ARL15: variants seen among roughly 807,000 people sequenced by gnomAD.
ARL15 encodes the protein ADP-ribosylation factor-like protein 15.
Under a neutral mutation model 25.2 loss-of-function variants are expected in ARL15, and 19 were observed. The ratio of observed to expected loss-of-function variants is 0.75; its 90% CI spans 0.53 to 1.10. The LOEUF (loss-of-function observed/expected upper bound fraction) is 1.10, where lower values mean the gene tolerates loss of function less well. Among genes scored for constraint, ARL15 ranks in the 50% least tolerant of loss-of-function variants. ARL15 has a pLI of 0.00. For missense variants in ARL15, 220 were observed against 246.0 expected (o/e 0.89, Z 0.71); for synonymous variants, 94 against 86.8 (o/e 1.08, Z -0.46).
chr5:54,113,056 C>T lies in ARL15; in HGVS notation c.462+146G>A, dbSNP rs1752787245. The T allele has an allele frequency of 3.9e-6, 3 of 767,402 alleles. 1 individual carries two copies. Among genetic ancestry groups the T allele is most frequent in the South Asian group, 3.7e-5 (2 of 54,074 alleles). 47.5% of individuals were successfully genotyped at this position (767,402 alleles called of 1,614,324 possible). On this transcript the variant is annotated intron_variant, in intron 4 of 4. Coordinates refer to ENST00000504924, the MANE Select transcript of ARL15 (RefSeq NM_019087.3). ...ACAAGTGCTAACAGATTGATATAGG[C>T]TTTCTGCTTCCTATGAAAACTAAGG...
At position 54,203,365 on chromosome 5, in the gene ARL15, G is replaced by A. The variant is rs141437998; in HGVS notation, c.49-31437C>T. Among the ~76,000 whole-genome samples, 419 of 152,022 alleles carry A rather than the reference G, an allele frequency of 2.8e-3. 1 individual carries two copies. Among genetic ancestry groups the A allele is most frequent in the African/African-American group, 9.5e-3 (396 of 41,474 alleles). On this transcript the variant is annotated intron_variant, in intron 1 of 4. Coordinates refer to ENST00000504924, the MANE Select transcript of ARL15 (RefSeq NM_019087.3). ...ATTAACATTAACTATATAGCATATC[G>A]CCAAGAATATCGACTTTTTTAAAAA...
At chr5:53,991,208 G>T (rs1268876074) in intron 4 of ARL15, among the ~76,000 whole-genome samples, 1 of 152,094 alleles carries the variant, frequency 6.6e-6, no homozygotes, top group African/African-American at 2.4e-5. Context: ...GGGAGCCGGG[G>T]CATGGTGTCT....
intron 4 of ARL15, among the ~76,000 whole-genome samples, chr5:53,926,980 C>G (rs1431906734): frequency 6.6e-6 from 1 of 151,366 alleles, no homozygotes; most frequent in African/African-American, 2.4e-5. Context: ...AAAAGCCTCT[C>G]TAGCCCCAAT....
At chr5:54,213,707 A>C (rs561795903) in intron 1 of ARL15, among the ~76,000 whole-genome samples, 2 of 152,328 alleles carry the variant, frequency 1.3e-5, no homozygotes, top group East Asian at 1.9e-4. Flanking sequence ...TCCATATAGC[A>C]GAGATAATAA....
chr5:54,086,865 C>T (rs2112129118), intron 4 of ARL15, among the ~76,000 whole-genome samples: 1 of 152,216 alleles, frequency 6.6e-6, no homozygotes, highest in Middle Eastern at 3.4e-3. Flanking sequence ...GATTTGAAAA[C>T]AGTAGTATAA....
At chr5:53,918,391 C>T (rs1745726665) in intron 4 of ARL15, among the ~76,000 whole-genome samples, 1 of 151,936 alleles carries the variant, frequency 6.6e-6, no homozygotes. Context: ...GGGGATCTCA[C>T]TATGTTGCCC....
intron 4 of ARL15, among the ~76,000 whole-genome samples, chr5:53,909,317 G>T (rs919240098): frequency 6.6e-6 from 1 of 152,180 alleles, no homozygotes; most frequent in Non-Finnish European, 1.5e-5. Flanking sequence ...AGAGGGAAAA[G>T]ATTATTAACT....
At chr5:54,260,341 A>C (rs1038249902) in intron 1 of ARL15, among the ~76,000 whole-genome samples, 4 of 152,218 alleles carry the variant, frequency 2.6e-5, no homozygotes, top group African/African-American at 9.6e-5. Context: ...CATAACAATT[A>C]CATAGGTACT....
chr5:54,139,258 C>T (rs1197630487), intron 3 of ARL15, among the ~76,000 whole-genome samples: 2 of 152,040 alleles, frequency 1.3e-5, no homozygotes, highest in Admixed American at 6.6e-5. Flanking sequence ...GATATGGAAC[C>T]AACATAAGTG....
intron 3 of ARL15, among the ~76,000 whole-genome samples, chr5:54,130,827 A>C (rs1327474015): frequency 6.6e-6 from 1 of 152,230 alleles, no homozygotes; most frequent in African/African-American, 2.4e-5. Context: ...GGTTTGAAGG[A>C]AACTTAAATG....
At chr5:54,191,379 G>A (rs1755394805) in intron 1 of ARL15, among the ~76,000 whole-genome samples, 1 of 152,106 alleles carries the variant, frequency 6.6e-6, no homozygotes, top group African/African-American at 2.4e-5. Context: ...GAGTTATGAA[G>A]ATGTATGCTG....
intron 4 of ARL15, among the ~76,000 whole-genome samples, chr5:53,898,237 G>A (rs1043232210): frequency 1.6e-4 from 25 of 152,092 alleles, no homozygotes; most frequent in African/African-American, 5.8e-4. Context: ...TTGGTTGAGA[G>A]ATTTTTGCAT....
At chr5:53,891,607 T>C (rs1291395360) in intron 4 of ARL15, among the ~76,000 whole-genome samples, 2 of 152,194 alleles carry the variant, frequency 1.3e-5, no homozygotes, top group African/African-American at 2.4e-5. Context: ...TTTTTCTGCA[T>C]AGTCACCACT....
intron 4 of ARL15, among the ~76,000 whole-genome samples, chr5:54,099,016 G>T (rs1404408215): frequency 6.6e-6 from 1 of 152,096 alleles, no homozygotes; most frequent in African/African-American, 2.4e-5. Flanking sequence ...TCAAAGAGGG[G>T]AAACAACAAT....
rs1744502677 is a variant in ARL15 at position 53,885,745 on chromosome 5, T to C, written c.*816A>G. The C allele has an allele frequency of 6.6e-6, 1 of 152,224 alleles. No individual in the cohort carries two copies. Among genetic ancestry groups the C allele is most frequent in the African/African-American group, 2.4e-5 (1 of 41,456 alleles). The allele number at this position is 152,224 out of a possible 1,614,324, so 9.4% of individuals were successfully genotyped here. A position where few individuals can be genotyped will look rare whatever the true frequency, so the allele number is the denominator to read the frequency against. On this transcript the variant is annotated 3_prime_UTR_variant, in exon 5 of 5. Transcript: ENST00000504924. ...ATTTTAATCAAACACTTGAAGTTTTTAGAAAAAGATACCTATGTTACATTG... is the reference window on the plus strand; with the variant it reads ...ATTTTAATCAAACACTTGAAGTTTTCAGAAAAAGATACCTATGTTACATTG...
At chr5:53,991,307 C>T (rs959152192) in intron 4 of ARL15, among the ~76,000 whole-genome samples, 7 of 151,978 alleles carry the variant, frequency 4.6e-5, no homozygotes, top group South Asian at 2.1e-4. Context: ...TTTGGGAGGC[C>T]GAGGCAGGCA....
chr5:54,295,158 T>A (rs1758434632), intron 1 of ARL15, among the ~76,000 whole-genome samples: 1 of 152,260 alleles, frequency 6.6e-6, no homozygotes, highest in Admixed American at 6.5e-5. Context: ...CAATGCAAGA[T>A]CTTTCTCAAC....
chr5:54,266,300 G>C (rs1162373577), intron 1 of ARL15, among the ~76,000 whole-genome samples: 1 of 152,224 alleles, frequency 6.6e-6, no homozygotes, highest in African/African-American at 2.4e-5. Context: ...GTACATAATA[G>C]ATGACCTTGG....
intron 4 of ARL15, among the ~76,000 whole-genome samples, chr5:54,056,040 T>C (rs75955965): frequency 0.019 from 2,886 of 152,234 alleles, 95 homozygotes; most frequent in African/African-American, 0.066. Flanking sequence ...CAATTTTACA[T>C]TTATTATACA....
Sources: gnomAD v4.1 joint callset for allele counts (sites outside exome capture counted in the v4.1 genomes callset) on GRCh38, gnomAD v4.1.1 for gene constraint, MANE v1.5 for transcripts, NCBI Gene and HGNC (gene_info 2026-07-23, HGNC 2026-07-21) for gene names.